The following SULF1 variants were observed in gnomAD, a reference collection of about 807,000 sequenced individuals.
The protein encoded by SULF1 is extracellular sulfatase Sulf-1.
A neutral mutation model predicts 110.5 loss-of-function variants in SULF1; 46 were observed. That is an observed-to-expected ratio of 0.42 (90% CI 0.33 to 0.53). SULF1 has a LOEUF of 0.53. Among genes scored for constraint, SULF1 ranks in the 20% least tolerant of loss-of-function variants. The probability of loss-of-function intolerance (pLI) is 0.12; values close to 1 mark genes in which losing one functional copy is unlikely to be tolerated. For synonymous variants in SULF1, 371 were observed against 387.1 expected, an observed-to-expected ratio of 0.96 and a Z score of 0.49; for missense variants, 941 against 1,094.2, an observed-to-expected ratio of 0.86 and a Z score of 1.98.
intron 3 of SULF1, among the ~76,000 whole-genome samples, chr8:69,537,308 C>A (rs149932113): frequency 1.3e-3 from 202 of 152,262 alleles, no homozygotes; most frequent in African/African-American, 4.5e-3. Context: ...ATGCCAGGAC[C>A]CTGGCTGAAA....
chr8:69,546,164 G>C (rs1814247667), intron 3 of SULF1, among the ~76,000 whole-genome samples: 1 of 152,194 alleles, frequency 6.6e-6, no homozygotes, highest in Non-Finnish European at 1.5e-5. Flanking sequence ...GACAATGAAT[G>C]ATGAGGTAGG....
chr8:69,578,640 C>T (rs956427377), intron 6 of SULF1, among the ~76,000 whole-genome samples: 7 of 151,892 alleles, frequency 4.6e-5, no homozygotes, highest in African/African-American at 1.7e-4. Flanking sequence ...CACCGGAAGG[C>T]TTCCCTGTTA....
Position 69,660,759 on chromosome 8 carries a change from T to C in SULF1, c.*2224T>C, listed in dbSNP as rs1813047725. ...GACAGAACAAACATATTTATGATCA[T>C]GAATAATGTGCTTTGTAAAAAGATT... On this transcript the variant is annotated 3_prime_UTR_variant, in exon 23 of 23. Transcript: ENST00000402687. 1 of 152,654 alleles carries C rather than the reference T, an allele frequency of 6.6e-6. No homozygotes were observed. The highest frequency in any genetic ancestry group is 6.5e-5 in the Admixed American group (1 of 15,280). 9.5% of individuals were successfully genotyped at this position (152,654 alleles called of 1,614,324 possible). A position where few individuals can be genotyped will look rare whatever the true frequency, so the allele number is the denominator to read the frequency against.
intron 6 of SULF1, among the ~76,000 whole-genome samples, chr8:69,578,098 G>A (rs1451908730): frequency 1.1e-4 from 16 of 151,978 alleles, no homozygotes; most frequent in Non-Finnish European, 1.0e-4. Flanking sequence ...GAGCAAAAAT[G>A]GAAACACCAT....
chr8:69,598,417 A>C (rs1414917772), intron 8 of SULF1, among the ~76,000 whole-genome samples: 6 of 152,022 alleles, frequency 3.9e-5, no homozygotes, highest in Non-Finnish European at 8.8e-5. Flanking sequence ...TTTGAGATAG[A>C]GTCTCGCTCT....
At chr8:69,603,053 C>T in intron 10 of SULF1, 139 bp from the exon 11 acceptor site, 2 of 1,218,698 alleles carry the variant, frequency 1.6e-6, no homozygotes, top group African/African-American at 3.0e-5. Context: ...CCTTGCCACA[C>T]AACTACCCAT....
At chr8:69,590,452 A>G (rs1806813146) in intron 8 of SULF1, among the ~76,000 whole-genome samples, 1 of 152,222 alleles carries the variant, frequency 6.6e-6, no homozygotes, top group African/African-American at 2.4e-5. Context: ...GGCATGAGCC[A>G]CCGCACCCAG....
intron 1 of SULF1, among the ~76,000 whole-genome samples, chr8:69,474,752 C>T (rs1008401312): frequency 1.3e-5 from 2 of 152,126 alleles, no homozygotes; most frequent in African/African-American, 4.8e-5. Flanking sequence ...CAATATCAAA[C>T]AGATTAAATC....
At chr8:69,525,826 C>T (rs376541959) in intron 3 of SULF1, among the ~76,000 whole-genome samples, 6 of 152,238 alleles carry the variant, frequency 3.9e-5, no homozygotes, top group African/African-American at 1.2e-4. Flanking sequence ...CAATCTGCCC[C>T]CGTGTGAGCC....
chr8:69,544,542 T>C (rs1814111279), intron 3 of SULF1, among the ~76,000 whole-genome samples: 1 of 152,154 alleles, frequency 6.6e-6, no homozygotes, highest in Admixed American at 6.5e-5. Context: ...GCTGGGATTA[T>C]AGGGGTGAGC....
At chr8:69,510,372 T>C (rs1429059703) in intron 3 of SULF1, among the ~76,000 whole-genome samples, 1 of 152,196 alleles carries the variant, frequency 6.6e-6, no homozygotes, top group African/African-American at 2.4e-5. Context: ...ATTTGCTAAC[T>C]GTGACTTAAT....
chr8:69,559,878 GT>G (rs950075399), intron 3 of SULF1, among the ~76,000 whole-genome samples: 2 of 151,822 alleles, frequency 1.3e-5, no homozygotes, highest in African/African-American at 2.4e-5. Context: ...GTGAAGCTGG[GT>G]TTTTTTTGTT....
upstream of SULF1, among the ~76,000 whole-genome samples, chr8:69,490,835 A>T (rs1809904775): frequency 1.3e-5 from 2 of 152,344 alleles, no homozygotes; most frequent in South Asian, 4.1e-4. Context: ...AGACATGTAA[A>T]GCATCTAGGC....
chr8:69,649,065 C>T (rs983489614), intron 22 of SULF1, among the ~76,000 whole-genome samples: 2 of 152,190 alleles, frequency 1.3e-5, no homozygotes, highest in African/African-American at 4.8e-5. Flanking sequence ...TCTGAATAAA[C>T]AGCTTCCAAA....
At chr8:69,630,786 G>A (rs1810458939) in intron 19 of SULF1, among the ~76,000 whole-genome samples, 1 of 152,176 alleles carries the variant, frequency 6.6e-6, no homozygotes, top group African/African-American at 2.4e-5. Flanking sequence ...ATTATGAGTT[G>A]TAGTAATGCT....
intron 13 of SULF1, among the ~76,000 whole-genome samples, chr8:69,617,404 TATATATATATATATATATATATATATATA>T (rs1809249022): frequency 6.8e-5 from 5 of 73,398 alleles, no homozygotes; most frequent in African/African-American, 3.5e-4. Context: ...TATATATATA[TATATATATATATATATATATATATATATA>T]TGTTTTTTTT....
intron 8 of SULF1, 96 bp downstream of exon 8, chr8:69,589,237 C>A: frequency 1.7e-6 from 2 of 1,206,908 alleles, no homozygotes; most frequent in Non-Finnish European, 2.3e-6. Context: ...TTCCACCCTG[C>A]GTATCCACAA....
intron 3 of SULF1, among the ~76,000 whole-genome samples, chr8:69,543,428 G>C (rs1814000288): frequency 6.7e-6 from 1 of 149,620 alleles, no homozygotes; most frequent in Admixed American, 6.7e-5. Context: ...CTGTATCCAT[G>C]TGTTCTCATT....
At chr8:69,590,174 T>G (rs1324577202) in intron 8 of SULF1, among the ~76,000 whole-genome samples, 3 of 152,216 alleles carry the variant, frequency 2.0e-5, no homozygotes, top group African/African-American at 7.2e-5. Context: ...ATGTTCTCTT[T>G]TTTTTGAGAC....
Sources: allele counts gnomAD v4.1 joint callset (sites outside exome capture counted in the v4.1 genomes callset), GRCh38; gene constraint gnomAD v4.1.1; transcripts MANE v1.5; gene names NCBI Gene and HGNC (gene_info 2026-07-23, HGNC 2026-07-21).